Variants in SERAC1 observed in about 807,000 individuals in gnomAD.
SERAC1 encodes the protein serine active site containing 1.
In SERAC1, 36 loss-of-function variants were observed where a neutral mutation model predicts 85.7. That is an observed-to-expected ratio of 0.42 (90% confidence interval 0.32 to 0.55). The LOEUF is 0.55. Among genes scored for constraint, SERAC1 ranks in the 20% least tolerant of loss-of-function variants. SERAC1 has a pLI of 0.11. For synonymous variants in SERAC1, 242 were observed against 265.3 expected (o/e 0.91, Z 0.85); for missense variants, 629 against 796.2 (o/e 0.79, Z 2.53).
At chr6:158,124,520 T>C (rs1344337920) in intron 10 of SERAC1, among the ~76,000 whole-genome samples, 4 of 152,098 alleles carry the variant, frequency 2.6e-5, no homozygotes, top group Non-Finnish European at 4.4e-5. Flanking sequence ...CAAAAAATGA[T>C]ATGTATAAGG....
At position 158,146,398 on chromosome 6, in the gene SERAC1, C is replaced by CTTTTTTTT. The variant is rs1007942638; in HGVS notation, c.487+376_487+383dup. ...CTGAATCTCACTCCCACTCCCTTGTCTTTTTTTTTTTTTTTTTTTTTTTTT... is the reference window on the plus strand; with the variant it reads ...CTGAATCTCACTCCCACTCCCTTGTCTTTTTTTTTTTTTTTTTTTTTTTTTTTTTTTTT... On this transcript the variant is annotated intron_variant, in intron 6 of 16. Transcript: ENST00000647468. 2.4e-4 allele frequency: 16 copies of CTTTTTTTT among 66,832 alleles called. 1 individual carries two copies. Among genetic ancestry groups the CTTTTTTTT allele is most frequent in the African/African-American group, 5.1e-4 (7 of 13,818 alleles). 4.1% of individuals were successfully genotyped at this position (66,832 alleles called of 1,614,324 possible).
At position 158,148,879 on chromosome 6, in the gene SERAC1, C is replaced by T. The variant is rs199580632; in HGVS notation, c.341G>A (p.Arg114Gln). 5.8e-5 allele frequency: 93 copies of T among 1,609,912 alleles called. No homozygotes were observed. Among genetic ancestry groups the T allele is most frequent in the African/African-American group, 2.8e-4 (21 of 74,886 alleles). The change falls in exon 5 of 17, where the codon CGG becomes CAG. Residue 114 changes from arginine to glutamine, a missense_variant. Coordinates refer to ENST00000647468, the MANE Select transcript of SERAC1 (RefSeq NM_032861.4). ...TGGATATTTACCAGCAAATGGATTC[C>T]GCAGTATCTTGGCTGATGTTGCCAA... is the stretch of plus-strand genomic sequence containing the variant. ...KVLATSAKIL[R>Q]NPFADPFSTV... is the part of the protein sequence containing the mutation.
intron 8 of SERAC1, among the ~76,000 whole-genome samples, chr6:158,132,166 T>C (rs1784693978): frequency 6.6e-6 from 1 of 152,126 alleles, no homozygotes; most frequent in Non-Finnish European, 1.5e-5. Context: ...AACTACAAGG[T>C]AATGGCTAAA....
At chr6:158,161,488 T>G (rs1785486398) in intron 1 of SERAC1, 1 of 152,162 alleles carries the variant, frequency 6.6e-6, no homozygotes, top group East Asian at 1.9e-4. Context: ...CACTGATATT[T>G]CTTGTTGCTC....
chr6:158,156,857 TAA>T (rs1491303793), intron 2 of SERAC1, among the ~76,000 whole-genome samples: 2 of 137,074 alleles, frequency 1.5e-5, no homozygotes, highest in Admixed American at 7.7e-5. Context: ...TTATATATAA[TAA>T]ATATTAATAT....
intron 2 of SERAC1, among the ~76,000 whole-genome samples, chr6:158,156,838 A>ATAATAAATATT (rs1785350474): frequency 7.2e-6 from 1 of 138,708 alleles, no homozygotes; most frequent in Non-Finnish European, 1.5e-5. Flanking sequence ...TATATTATAT[A>ATAATAAATATT]AATATATTTT....
In SERAC1 at chr6:158,143,119, C is replaced by A; in HGVS notation, c.675G>T (p.Glu225Asp). ...LASLPQTELDECIQYFTSLAL... is the reference protein window; with the variant it reads ...LASLPQTELDDCIQYFTSLAL... ...CCAAAGATGTAAAATACTGGATACA[C>A]TCATCTAGCTCTGTTTGAGGTAAGG... The change falls in exon 8 of 17, where the codon GAG becomes GAT. Residue 225 changes from glutamate (E) to aspartate (D), a missense_variant. Coordinates refer to ENST00000647468, the MANE Select transcript of SERAC1 (RefSeq NM_032861.4). The A allele has an allele frequency of 5.0e-6, 8 of 1,613,582 alleles. No homozygotes were observed. Among genetic ancestry groups the A allele is most frequent in the Non-Finnish European group, 6.8e-6 (8 of 1,179,726 alleles).
At chr6:158,116,850 C>A (rs1277847767) in intron 13 of SERAC1, 3 of 152,974 alleles carry the variant, frequency 2.0e-5, no homozygotes, top group Admixed American at 6.5e-5. Flanking sequence ...TTTAGAAATA[C>A]TAGGGTGCTA....
Position 158,154,026 on chromosome 6 carries a change from T to G in SERAC1, c.128+1289A>C, listed in dbSNP as rs536190475. ...CAATAATAATAACAGCCAGGTGTGG[T>G]GGTACACACCTGTGATCCAGCTATT... On this transcript the variant is annotated intron_variant, in intron 3 of 16. Coordinates refer to ENST00000647468, the MANE Select transcript of SERAC1 (RefSeq NM_032861.4). Among the ~76,000 whole-genome samples the G allele has an allele frequency of 3.3e-5, 5 of 151,432 alleles. No homozygotes were observed. In the East Asian group the frequency reaches 9.7e-4, roughly 29 times the overall value.
At chr6:158,124,748 A>C (rs1784497703) in intron 10 of SERAC1, among the ~76,000 whole-genome samples, 1 of 131,406 alleles carries the variant, frequency 7.6e-6, no homozygotes, top group South Asian at 2.5e-4. Flanking sequence ...AATGCTGGAA[A>C]ACACACACAC....
At chr6:158,125,385 T>C (rs1265078211) in intron 10 of SERAC1, among the ~76,000 whole-genome samples, 4 of 152,172 alleles carry the variant, frequency 2.6e-5, no homozygotes, top group Admixed American at 2.6e-4. Flanking sequence ...TGCCCTTCAG[T>C]CTTCTGCCAT....
rs1181085006 is a variant in SERAC1 at position 158,111,407 on chromosome 6, G to C, written c.1924C>G (p.Gln642Glu). Residue 642 changes from glutamine (Q) to glutamate (E), a missense_variant, in exon 17 of 17, where the codon CAA (glutamine) becomes GAA (glutamate). Physicochemically the swap from Gln to Glu is conservative, Grantham distance 29. Coordinates refer to ENST00000647468, the MANE Select transcript of SERAC1 (RefSeq NM_032861.4). ...KDAFLYQRTL[Q>E]FIREALAKDL... Reference sequence around the variant, plus strand: ...TTGGCTAAAGCTTCACGAATGAATTGTAAAGTACGCTGGTACAAAAAAGCA... The same window carrying C: ...TTGGCTAAAGCTTCACGAATGAATTCTAAAGTACGCTGGTACAAAAAAGCA... 6.2e-7 allele frequency: 1 copy of C among 1,608,400 alleles called. No homozygotes were observed. The highest frequency in any genetic ancestry group is 8.5e-7 in the Non-Finnish European group (1 of 1,178,472).
intron 8 of SERAC1, among the ~76,000 whole-genome samples, chr6:158,135,187 T>C (rs551608780): frequency 1.5e-4 from 23 of 152,166 alleles, no homozygotes; most frequent in Non-Finnish European, 2.8e-4. Context: ...AAGACTCACA[T>C]GCAATGCTTA....
intron 1 of SERAC1, chr6:158,159,104 T>C (rs1305311740): frequency 6.6e-6 from 1 of 152,188 alleles, no homozygotes; most frequent in Non-Finnish European, 1.5e-5. Context: ...CTCTCTCTTT[T>C]GTTTTGTTTT....
intron 2 of SERAC1, among the ~76,000 whole-genome samples, chr6:158,155,954 GGC>G (rs1293878055): frequency 6.6e-6 from 1 of 152,074 alleles, no homozygotes. Flanking sequence ...AGACCAGCCT[GGC>G]CAACATGGTG....
intron 8 of SERAC1, among the ~76,000 whole-genome samples, chr6:158,139,760 G>T (rs1784874355): frequency 6.6e-6 from 1 of 152,010 alleles, no homozygotes; most frequent in African/African-American, 2.4e-5. Flanking sequence ...AAAATCACTA[G>T]TTAAAAAAAA....
Position 158,151,500 on chromosome 6 carries a change from C to T in SERAC1, c.129-911G>A, listed in dbSNP as rs185201861. ...GCAGTGGCACAATCTCGGCTCACCG[C>T]AAGCTCTACCTCCTGGGTTCACGCC... On this transcript the variant is annotated intron_variant, in intron 3 of 16. Transcript: ENST00000647468. Among the ~76,000 whole-genome samples, 434 of 152,268 alleles carry T rather than the reference C, an allele frequency of 2.9e-3. 1 individual carries two copies. The highest frequency in any genetic ancestry group is 9.9e-3 in the African/African-American group (412 of 41,540).
intron 1 of SERAC1, among the ~76,000 whole-genome samples, chr6:158,166,620 A>G (rs1353685482): frequency 6.6e-6 from 1 of 152,180 alleles, no homozygotes; most frequent in African/African-American, 2.4e-5. Context: ...CCATCTATTA[A>G]TACGGTATAT....
At chr6:158,118,080 A>G (rs1784334335) in intron 12 of SERAC1, among the ~76,000 whole-genome samples, 1 of 152,230 alleles carries the variant, frequency 6.6e-6, no homozygotes, top group South Asian at 2.1e-4. Context: ...TATAGCCAAA[A>G]GCAAGGCCTG....
Sources: allele counts gnomAD v4.1 joint callset (sites outside exome capture counted in the v4.1 genomes callset), GRCh38; gene constraint gnomAD v4.1.1; transcripts MANE v1.5; gene names NCBI Gene and HGNC (gene_info 2026-07-23, HGNC 2026-07-21).